Variants in ZNF678 observed in about 807,000 individuals in gnomAD.
The protein encoded by ZNF678 is hypothetical protein MGC42493.
ZNF678 carries 5 observed loss-of-function variants against 3.0 expected under a neutral mutation model. That is an observed-to-expected ratio of 1.69 (90% CI 0.88 to 3.56). The LOEUF (loss-of-function observed/expected upper bound fraction) is 3.56. Among genes scored for constraint, ZNF678 ranks in the 30% most tolerant of loss-of-function variants. The pLI is 0.00. For missense variants in ZNF678, 593 were observed against 605.0 expected (o/e 0.98, Z 0.21); for synonymous variants, 218 against 199.6 (o/e 1.09, Z -0.78).
intron 1 of ZNF678, among the ~76,000 whole-genome samples, chr1:227,645,410 A>G (rs761862729): frequency 6.6e-6 from 1 of 152,132 alleles, no homozygotes; most frequent in African/African-American, 2.4e-5. Flanking sequence ...TATATTTGTA[A>G]TGTTTCTGCC....
chr1:227,659,780 G>A lies in ZNF678; in HGVS notation c.*3952G>A, dbSNP rs1234890677. 1 of 151,048 alleles carries A rather than the reference G, an allele frequency of 6.6e-6. No homozygotes were observed. Among genetic ancestry groups the A allele is most frequent in the African/African-American group, 2.4e-5 (1 of 41,094 alleles). The allele number at this position is 151,048 out of a possible 1,614,324, so 9.4% of individuals were successfully genotyped here. On this transcript the variant is annotated 3_prime_UTR_variant, in exon 4 of 4. Transcript: ENST00000343776. ...TTATATCTACATATATATATATCTTGTAACACATGATGTTTGAAATGCTTA... is the reference window on the plus strand; with the variant it reads ...TTATATCTACATATATATATATCTTATAACACATGATGTTTGAAATGCTTA...
Position 227,648,035 on chromosome 1 carries a change from AAATAT to A in ZNF678, c.-37+1368_-37+1372del, listed in dbSNP as rs1172121490. ...TACTCAGTGATTTTATCAGAACACT[AAATAT>A]AAGAAAATCTAAACTTATTTTACTT... On this transcript the variant is annotated intron_variant, in intron 2 of 3. Transcript: ENST00000343776. 1.4e-4 allele frequency among the ~76,000 whole-genome samples: 21 copies of A among 152,198 alleles called. 1 individual carries two copies. The highest frequency in any genetic ancestry group is 3.9e-4 in the African/African-American group (16 of 41,452).
intron 1 of ZNF678, among the ~76,000 whole-genome samples, chr1:227,606,194 A>G (rs950389357): frequency 6.6e-6 from 1 of 152,154 alleles, no homozygotes; most frequent in Non-Finnish European, 1.5e-5. Flanking sequence ...TTCCCTCAGT[A>G]TTTATTGATT....
intron 1 of ZNF678, among the ~76,000 whole-genome samples, chr1:227,618,593 T>C (rs2102767534): frequency 6.6e-6 from 1 of 152,336 alleles, no homozygotes; most frequent in South Asian, 2.1e-4. Context: ...CAGGCCACTG[T>C]CATTCTTTGA....
At chr1:227,629,212 G>A (rs189927100) in intron 1 of ZNF678, among the ~76,000 whole-genome samples, 2 of 152,274 alleles carry the variant, frequency 1.3e-5, no homozygotes, top group African/African-American at 4.8e-5. Context: ...CCTTTGGTAG[G>A]GAAAGGAGGT....
In ZNF678 at chr1:227,613,840, C is replaced by T. The variant is rs1182009308; in HGVS notation, c.-163-32704C>T. Among the ~76,000 whole-genome samples, 3 of 152,138 alleles carry T rather than the reference C, an allele frequency of 2.0e-5. No individual in the cohort carries two copies. The East Asian group carries it at 5.8e-4, about 29-fold the overall frequency. On this transcript the variant is annotated intron_variant, in intron 1 of 3. Transcript: ENST00000343776. ...TGTGTACCTTGCCTGCCACAAGCCC[C>T]ACGCCCAAAACTGTTTCTCTGGTGC...
At chr1:227,636,153 G>A (rs1558150569) in intron 1 of ZNF678, among the ~76,000 whole-genome samples, 1 of 152,088 alleles carries the variant, frequency 6.6e-6, no homozygotes, top group Non-Finnish European at 1.5e-5. Context: ...GGAGGGGCCC[G>A]ATGATGAAGA....
At chr1:227,576,224 C>G (rs1656983984) in intron 1 of ZNF678, among the ~76,000 whole-genome samples, 1 of 152,104 alleles carries the variant, frequency 6.6e-6, no homozygotes, top group Non-Finnish European at 1.5e-5. Context: ...TTTTGTTCTG[C>G]CTCTGCCAGG....
intron 1 of ZNF678, among the ~76,000 whole-genome samples, chr1:227,584,884 A>G (rs1657218097): frequency 6.6e-6 from 1 of 152,216 alleles, no homozygotes; most frequent in Non-Finnish European, 1.5e-5. Context: ...CTGATCAGAT[A>G]TTAAGGATGA....
intron 1 of ZNF678, among the ~76,000 whole-genome samples, chr1:227,624,319 A>T (rs1658353692): frequency 6.6e-6 from 1 of 152,172 alleles, no homozygotes; most frequent in African/African-American, 2.4e-5. Context: ...CTCCACAAAG[A>T]CCCCAATTTA....
chr1:227,596,085 A>T (rs914942410), intron 1 of ZNF678, among the ~76,000 whole-genome samples: 2 of 152,138 alleles, frequency 1.3e-5, no homozygotes, highest in Non-Finnish European at 2.9e-5. Context: ...GGAGCCTGCC[A>T]CACACTGCTC....
chr1:227,664,578 T>C (rs1487085244), downstream of ZNF678, among the ~76,000 whole-genome samples: 1 of 152,074 alleles, frequency 6.6e-6, no homozygotes, highest in Non-Finnish European at 1.5e-5. Flanking sequence ...AATGCCTGCA[T>C]TGTTGGAAAG....
intron 1 of ZNF678, among the ~76,000 whole-genome samples, chr1:227,578,888 T>C (rs1306306308): frequency 6.6e-6 from 1 of 152,232 alleles, no homozygotes; most frequent in Non-Finnish European, 1.5e-5. Flanking sequence ...CCTTCAATCT[T>C]TGAGGTAGCT....
At chr1:227,618,124 G>C (rs766985015) in intron 1 of ZNF678, among the ~76,000 whole-genome samples, 3 of 152,174 alleles carry the variant, frequency 2.0e-5, no homozygotes, top group African/African-American at 4.8e-5. Context: ...CCTGGCGCCT[G>C]CCCTGAGTTG....
chr1:227,619,011 A>T (rs895197471), intron 1 of ZNF678, among the ~76,000 whole-genome samples: 8 of 152,132 alleles, frequency 5.3e-5, no homozygotes, highest in Non-Finnish European at 1.2e-4. Flanking sequence ...GTGAGGGGGG[A>T]CCTGCCAAAC....
At chr1:227,632,506 A>C (rs1361044154) in intron 1 of ZNF678, among the ~76,000 whole-genome samples, 1 of 152,076 alleles carries the variant, frequency 6.6e-6, no homozygotes, top group East Asian at 1.9e-4. Context: ...TGAGTTCGGG[A>C]CAACAGCTTT....
At chr1:227,615,156 A>G (rs1658112777) in intron 1 of ZNF678, among the ~76,000 whole-genome samples, 1 of 152,174 alleles carries the variant, frequency 6.6e-6, no homozygotes, top group African/African-American at 2.4e-5. Context: ...CCTGTGATTT[A>G]CTGAATCTCA....
At chr1:227,634,917 T>C (rs966070415) in intron 1 of ZNF678, among the ~76,000 whole-genome samples, 2 of 152,120 alleles carry the variant, frequency 1.3e-5, no homozygotes, top group African/African-American at 4.8e-5. Flanking sequence ...TGGGTAAGAC[T>C]CAGTGCTTTG....
intron 1 of ZNF678, among the ~76,000 whole-genome samples, chr1:227,591,305 T>C (rs1463852668): frequency 6.6e-6 from 1 of 152,158 alleles, no homozygotes; most frequent in Non-Finnish European, 1.5e-5. Flanking sequence ...TCTAAGGGGT[T>C]ACACTGACCA....
Sources: gnomAD v4.1 joint callset for allele counts (sites outside exome capture counted in the v4.1 genomes callset) on GRCh38, gnomAD v4.1.1 for gene constraint, MANE v1.5 for transcripts, NCBI Gene and HGNC (gene_info 2026-07-23, HGNC 2026-07-21) for gene names.